TGS1: variants seen among roughly 807,000 people sequenced by gnomAD.
TGS1 encodes the protein trimethylguanosine synthase 1, also known as trimethylguanosine synthase.
TGS1 carries 69 observed loss-of-function variants against 92.2 expected under a neutral mutation model. The observed-to-expected ratio is 0.75, with a 90% CI of 0.62 to 0.91. The LOEUF is 0.91. TGS1 is among the 40% of genes least tolerant of loss of function. The pLI is 0.00. For missense variants in TGS1, 1,062 were observed against 1,001.2 expected (o/e 1.06, Z -0.82); for synonymous variants, 345 against 338.1 (o/e 1.02, Z -0.22).
At chr8:55,779,127 C>T (rs1373082345) in intron 1 of TGS1, among the ~76,000 whole-genome samples, 2 of 152,140 alleles carry the variant, frequency 1.3e-5, no homozygotes, top group East Asian at 1.9e-4. Context: ...CATCCAGAGT[C>T]ATTATGCTCT....
chr8:55,785,572 C>T (rs986397265), intron 2 of TGS1, 147 bp from the exon 3 acceptor site: 1 of 546,722 alleles, frequency 1.8e-6, no homozygotes, highest in Non-Finnish European at 3.2e-6. Context: ...TGTGAGACCC[C>T]CATCTCTAAA....
chr8:55,813,166 C>T lies in TGS1; in HGVS notation c.2439+48C>T, dbSNP rs770032581. The T allele has an allele frequency of 3.0e-6, 4 of 1,315,800 alleles. No homozygotes were observed. In the Admixed American group the frequency reaches 7.1e-5, roughly 23 times the overall value. The allele number at this position is 1,315,800 out of a possible 1,614,324, so 81.5% of individuals were successfully genotyped here. Reference sequence around the variant, plus strand: ...CCATGAGTGTCTGTCTTAACTGTTACAAGTACGGTAAAAGATACAGGACAT... The same window carrying T: ...CCATGAGTGTCTGTCTTAACTGTTATAAGTACGGTAAAAGATACAGGACAT... On this transcript the variant is annotated intron_variant, in intron 12 of 12. Coordinates refer to ENST00000260129, the MANE Select transcript of TGS1 (RefSeq NM_024831.8).
At chr8:55,819,401 A>G (rs151066463) in intron 12 of TGS1, among the ~76,000 whole-genome samples, 1,988 of 148,270 alleles carry the variant, frequency 0.013, 40 homozygotes, top group African/African-American at 0.047. Flanking sequence ...GGTTCAAGCA[A>G]TTCTCCTACC....
At chr8:55,812,978 A>T in intron 11 of TGS1, 62 bp from the exon 12 acceptor site, 1 of 1,221,156 alleles carries the variant, frequency 8.2e-7, no homozygotes, top group Non-Finnish European at 1.2e-6. Context: ...TAAGTAAAAC[A>T]CATCTCTTTC....
In TGS1 at chr8:55,792,706, T is replaced by C. The variant is rs779999143; in HGVS notation, c.1289T>C (p.Leu430Pro). Reference sequence around the variant, plus strand: ...ACCTTTTCTTTATTTAGCCATGAACTGGACATTGATGAAAACCCAGCTTCA... The same window carrying C: ...ACCTTTTCTTTATTTAGCCATGAACCGGACATTGATGAAAACCCAGCTTCA... Reference protein sequence around the residue: ...KPSKLKRSHELDIDENPASDF... With the variant: ...KPSKLKRSHEPDIDENPASDF... Residue 430 changes from leucine to proline, a missense_variant, in exon 6 of 13, where the codon CTG (leucine) becomes CCG (proline). Leu to Pro is a moderately conservative substitution (Grantham distance 98). Coordinates refer to ENST00000260129, the MANE Select transcript of TGS1 (RefSeq NM_024831.8). 1.2e-6 allele frequency: 2 copies of C among 1,613,072 alleles called. No individual in the cohort carries two copies. Among genetic ancestry groups the C allele is most frequent in the Non-Finnish European group, 8.5e-7 (1 of 1,179,186 alleles).
rs768753729 is a variant in TGS1, at chr8:55,786,276, G to GA, written c.384dup (p.His129ThrfsTer8). 3 of 1,513,976 alleles carry GA rather than the reference G, an allele frequency of 2.0e-6. No homozygotes were observed. The highest frequency in any genetic ancestry group is 2.4e-5 in the East Asian group (1 of 42,538). The allele number at this position is 1,513,976 out of a possible 1,614,324, so 93.8% of individuals were successfully genotyped here. ...CTAGAAATAAAGTTAAAATAAAAAAGAAAAAACATCAAAAGAAATACTTAG... is the reference window on the plus strand; with the variant it reads ...CTAGAAATAAAGTTAAAATAAAAAAGAAAAAAACATCAAAAGAAATACTTAG... On this transcript the variant is annotated frameshift_variant, in exon 4 of 13. Coordinates refer to ENST00000260129, the MANE Select transcript of TGS1 (RefSeq NM_024831.8). LOFTEE classifies it high-confidence loss of function.
At chr8:55,807,337 A>G (rs1803198699) in intron 10 of TGS1, among the ~76,000 whole-genome samples, 1 of 152,128 alleles carries the variant, frequency 6.6e-6, no homozygotes, top group African/African-American at 2.4e-5. Flanking sequence ...CCTCATCGTC[A>G]TATAATATTT....
chr8:55,787,613 T>C (rs770175431), intron 4 of TGS1, among the ~76,000 whole-genome samples: 14 of 152,220 alleles, frequency 9.2e-5, no homozygotes, highest in Non-Finnish European at 1.8e-4. Context: ...AAGCTAATTG[T>C]GCAAACTGGT....
chr8:55,781,641 C>T (rs1811564901), intron 1 of TGS1, among the ~76,000 whole-genome samples: 1 of 152,210 alleles, frequency 6.6e-6, no homozygotes, highest in South Asian at 2.1e-4. Context: ...GGACCAGTTG[C>T]TGCCAAAGCA....
chr8:55,780,160 C>CTTTTTTTTTTT (rs56871302), intron 1 of TGS1, among the ~76,000 whole-genome samples: 2 of 130,954 alleles, frequency 1.5e-5, no homozygotes, highest in Non-Finnish European at 3.2e-5. Context: ...TCTGGCATGG[C>CTTTTTTTTTTT]TTTTTTTTTT....
intron 2 of TGS1, among the ~76,000 whole-genome samples, chr8:55,785,491 G>A (rs1435535845): frequency 6.6e-6 from 1 of 151,996 alleles, no homozygotes; most frequent in Non-Finnish European, 1.5e-5. Flanking sequence ...ACTGAGCCCG[G>A]GAGTTCAGAG....
At chr8:55,822,105 T>C (rs889929949) in intron 12 of TGS1, among the ~76,000 whole-genome samples, 2 of 151,334 alleles carry the variant, frequency 1.3e-5, no homozygotes, top group Non-Finnish European at 2.9e-5. Context: ...AGTCTCACTC[T>C]GTCGCCCAGG....
In TGS1 at chr8:55,786,769, G is replaced by T; in HGVS notation, c.871G>T (p.Asp291Tyr). ...GAACGATGAAAAATGCATGAAAGTT[G>T]ACTTAGTATCTTTTCCATCTTCACC... ...DKNDEKCMKV[D>Y]LVSFPSSPIM... The change falls in exon 4 of 13, where the codon GAC becomes TAC. Residue 291 changes from aspartate to tyrosine, a missense_variant. Coordinates refer to ENST00000260129, the MANE Select transcript of TGS1 (RefSeq NM_024831.8). 6.2e-7 allele frequency: 1 copy of T among 1,614,076 alleles called. No homozygotes were observed. Among genetic ancestry groups the T allele is most frequent in the South Asian group, 1.1e-5 (1 of 91,024 alleles).
chr8:55,780,295 A>G (rs1367599883), intron 1 of TGS1, among the ~76,000 whole-genome samples: 2 of 151,028 alleles, frequency 1.3e-5, no homozygotes, highest in Admixed American at 6.7e-5. Context: ...TCAGCCTCCC[A>G]TATAGCTAGA....
chr8:55,806,304 C>T (rs1276244413), intron 10 of TGS1, among the ~76,000 whole-genome samples: 3 of 137,158 alleles, frequency 2.2e-5, no homozygotes, highest in African/African-American at 5.6e-5. Flanking sequence ...TGCAGTGAGC[C>T]GAGATCATGC....
At chr8:55,815,593 C>T (rs1803453146) in intron 12 of TGS1, among the ~76,000 whole-genome samples, 1 of 152,180 alleles carries the variant, frequency 6.6e-6, no homozygotes, top group African/African-American at 2.4e-5. Flanking sequence ...ATATGAAGGA[C>T]AGTTAATTTC....
chr8:55,773,601 T>C lies in TGS1; in HGVS notation c.-18T>C. ...CGACCCGGGCTGCGTACGTCAGAGC[T>C]GCCTCCGAAGTGGTAAAATGTGCTG... is the stretch of plus-strand genomic sequence containing the variant. On this transcript the variant is annotated 5_prime_UTR_variant, in exon 1 of 13. Transcript: ENST00000260129. 1.2e-6 allele frequency: 2 copies of C among 1,600,876 alleles called. No homozygotes were observed. The highest frequency in any genetic ancestry group is 1.7e-6 in the Non-Finnish European group (2 of 1,173,266).
At position 55,813,135 on chromosome 8, in the gene TGS1, A is replaced by G. The variant is rs759173864; in HGVS notation, c.2439+17A>G. ...ATTGACCAGGTAAGCCATTACTGAA[A>G]AACTTCCATGAGTGTCTGTCTTAAC... is the stretch of plus-strand genomic sequence containing the variant. On this transcript the variant is annotated intron_variant, in intron 12 of 12. Transcript: ENST00000260129. 2.2e-5 allele frequency: 34 copies of G among 1,558,874 alleles called. No individual in the cohort carries two copies. The highest frequency in any genetic ancestry group is 2.8e-5 in the Non-Finnish European group (32 of 1,131,856).
rs537870526 is a variant in TGS1, at chr8:55,814,939, T to C, written c.2439+1821T>C. Among the ~76,000 whole-genome samples the C allele has an allele frequency of 4.6e-5, 7 of 152,100 alleles. 1 individual carries two copies. Among genetic ancestry groups the C allele is most frequent in the African/African-American group, 1.4e-4 (6 of 41,536 alleles). ...AGGTATTTTATATCTACTTCTCATA[T>C]GATTCAGAGCTGCTTTCTAGACTGC... On this transcript the variant is annotated intron_variant, in intron 12 of 12. Transcript: ENST00000260129.
Sources: allele counts gnomAD v4.1 joint callset (sites outside exome capture counted in the v4.1 genomes callset), GRCh38; gene constraint gnomAD v4.1.1; transcripts MANE v1.5; gene names NCBI Gene and HGNC (gene_info 2026-07-23, HGNC 2026-07-21).